Variants in GPD1L observed in about 807,000 individuals in gnomAD.
The protein encoded by GPD1L is glycerol-3-phosphate dehydrogenase 1 like, also known as glycerol-3-phosphate dehydrogenase 1-like protein.
In GPD1L, 17 loss-of-function variants were observed where a neutral mutation model predicts 32.9. The ratio of observed to expected loss-of-function variants is 0.52; its 90% CI spans 0.35 to 0.78. The LOEUF (loss-of-function observed/expected upper bound fraction) is 0.78. Ranked by LOEUF, GPD1L falls within the 30% of genes least tolerant of loss-of-function variation. The probability of loss-of-function intolerance (pLI) is 0.01; values close to 1 mark genes in which losing one functional copy is unlikely to be tolerated. For synonymous variants in GPD1L, 187 were observed against 165.9 expected, an observed-to-expected ratio of 1.13 and a Z score of -0.98; for missense variants, 361 against 447.8, an observed-to-expected ratio of 0.81 and a Z score of 1.75.
At chr3:32,128,340 T>C in intron 2 of GPD1L, 87 bp downstream of exon 2, 2 of 1,084,632 alleles carry the variant, frequency 1.8e-6, no homozygotes, top group Middle Eastern at 4.0e-4. Flanking sequence ...CTGGGAAAGC[T>C]GCTTCCCTTT....
chr3:32,141,276 A>G (rs1381792278), intron 4 of GPD1L, among the ~76,000 whole-genome samples: 1 of 152,096 alleles, frequency 6.6e-6, no homozygotes, highest in African/African-American at 2.4e-5. Flanking sequence ...GGAATTTTCT[A>G]CCTTAATTTT....
chr3:32,151,384 G>A (rs952204272), intron 5 of GPD1L: 11 of 683,990 alleles, frequency 1.6e-5, no homozygotes, highest in Non-Finnish European at 2.9e-5. Flanking sequence ...TTTAGCCATG[G>A]TGACACTTGT....
intron 7 of GPD1L, among the ~76,000 whole-genome samples, chr3:32,162,021 C>T (rs551721015): frequency 3.9e-5 from 6 of 152,304 alleles, no homozygotes; most frequent in African/African-American, 1.4e-4. Context: ...TTCCTTCTCC[C>T]TCCCTTCTCT....
chr3:32,140,390 C>T (rs993940844), intron 4 of GPD1L, 24 bp downstream of exon 4: 3 of 1,613,266 alleles, frequency 1.9e-6, no homozygotes. Context: ...GGGAGGGACC[C>T]CAGGAGTCTG....
chr3:32,159,256 T>G, intron 6 of GPD1L, 147 bp downstream of exon 6: 1 of 674,026 alleles, frequency 1.5e-6, no homozygotes, highest in Non-Finnish European at 2.6e-6. Flanking sequence ...ACTTGACTCT[T>G]CTGTTCTTTA....
chr3:32,127,720 C>T (rs1700531369), intron 1 of GPD1L, among the ~76,000 whole-genome samples: 1 of 152,162 alleles, frequency 6.6e-6, no homozygotes, highest in African/African-American at 2.4e-5. Flanking sequence ...GTTTATCTTA[C>T]CACAGGTACA....
At position 32,134,056 on chromosome 3, in the gene GPD1L, A is replaced by G. The variant is rs78192700; in HGVS notation, c.226-4531A>G. 0.023 allele frequency among the ~76,000 whole-genome samples: 3,573 copies of G among 152,282 alleles called. 284 individuals carry two copies. In the East Asian group the frequency reaches 0.25, roughly 11 times the overall value. ...CCTGTTGTTCTGAGTTTTGCTTCCC[A>G]GCATATTTCAGAATCTGGAACGATG... On this transcript the variant is annotated intron_variant, in intron 2 of 7. Transcript: ENST00000282541.
In GPD1L at chr3:32,106,683, C is replaced by G. The variant is rs760414173; in HGVS notation, c.-29C>G. ...AGGTGGGCAGCCGGCCAGGGAAGCA[C>G]GGTCCAGGCGGCTACATTCGGCCCG... On this transcript the variant is annotated 5_prime_UTR_variant, in exon 1 of 8. Coordinates refer to ENST00000282541, the MANE Select transcript of GPD1L (RefSeq NM_015141.4). This position sits in a 1 kb window ranked among gnomAD's most constrained non-coding sequence, Gnocchi z 4.0. 6.6e-6 allele frequency: 10 copies of G among 1,517,656 alleles called. No homozygotes were observed. The South Asian group carries it at 1.3e-4, about 19-fold the overall frequency. 94.0% of individuals were successfully genotyped at this position (1,517,656 alleles called of 1,614,324 possible).
At chr3:32,144,822 A>AACAC (rs60130762) in intron 4 of GPD1L, among the ~76,000 whole-genome samples, 2,842 of 142,104 alleles carry the variant, frequency 0.02, 107 homozygotes, top group Admixed American at 0.1. Context: ...AGTAGCTGGG[A>AACAC]ACACACACAC....
At chr3:32,116,253 A>T (rs1700331435) in intron 1 of GPD1L, among the ~76,000 whole-genome samples, 1 of 152,242 alleles carries the variant, frequency 6.6e-6, no homozygotes, top group East Asian at 1.9e-4. Context: ...GTTAGAAATG[A>T]TTATGGATAA....
chr3:32,134,640 C>A (rs1215304728), intron 2 of GPD1L, among the ~76,000 whole-genome samples: 2 of 152,178 alleles, frequency 1.3e-5, no homozygotes, highest in East Asian at 3.9e-4. Flanking sequence ...GCACTCGCCA[C>A]CACACCTGGT....
chr3:32,168,700 A>G lies in GPD1L; in HGVS notation c.*2790A>G, dbSNP rs1209304159. The G allele has an allele frequency of 3.9e-5, 6 of 152,442 alleles. No homozygotes were observed. Among genetic ancestry groups the G allele is most frequent in the South Asian group, 2.1e-4 (1 of 4,814 alleles). 9.4% of individuals were successfully genotyped at this position (152,442 alleles called of 1,614,324 possible). A position where few individuals can be genotyped will look rare whatever the true frequency, so the allele number is the denominator to read the frequency against. ...AAAAGCTTGATTTAATAAACATTTAACCCCCTAAACTTGCACCGTGGATCC... is the reference window on the plus strand; with the variant it reads ...AAAAGCTTGATTTAATAAACATTTAGCCCCCTAAACTTGCACCGTGGATCC... On this transcript the variant is annotated 3_prime_UTR_variant, in exon 8 of 8. Coordinates refer to ENST00000282541, the MANE Select transcript of GPD1L (RefSeq NM_015141.4).
intron 5 of GPD1L, among the ~76,000 whole-genome samples, chr3:32,148,063 T>A (rs1403150769): frequency 6.6e-6 from 1 of 152,180 alleles, no homozygotes; most frequent in African/African-American, 2.4e-5. Flanking sequence ...TTTGTTTATT[T>A]TTGTTGGTTG....
intron 1 of GPD1L, among the ~76,000 whole-genome samples, chr3:32,121,302 C>T (rs1326661828): frequency 6.6e-6 from 1 of 151,678 alleles, no homozygotes; most frequent in East Asian, 1.9e-4. Context: ...TAGATAAAAT[C>T]TGTGCCTATT....
chr3:32,157,391 A>T (rs1701008690), intron 5 of GPD1L, among the ~76,000 whole-genome samples: 1 of 151,906 alleles, frequency 6.6e-6, no homozygotes, highest in Non-Finnish European at 1.5e-5. Context: ...CTCTTTTCTC[A>T]GCCAGATTGT....
intron 2 of GPD1L, among the ~76,000 whole-genome samples, chr3:32,133,717 G>A (rs1559574917): frequency 6.6e-6 from 1 of 152,152 alleles, no homozygotes; most frequent in Non-Finnish European, 1.5e-5. Flanking sequence ...AGGGTGAGGA[G>A]ATCAGTCTGT....
At chr3:32,118,508 T>A (rs1212531105) in intron 1 of GPD1L, among the ~76,000 whole-genome samples, 1 of 152,128 alleles carries the variant, frequency 6.6e-6, no homozygotes, top group East Asian at 1.9e-4. Context: ...TTTAATAGGA[T>A]CTGACCATAG....
rs13321685 is a variant in GPD1L at position 32,165,937 on chromosome 3, A to G, written c.*27A>G. ...GTGAATCATGCAACGTGTTGGGGGAAGTTCTGCCTTTCTGATCAATCTTTT... is the reference window on the plus strand; with the variant it reads ...GTGAATCATGCAACGTGTTGGGGGAGGTTCTGCCTTTCTGATCAATCTTTT... On this transcript the variant is annotated 3_prime_UTR_variant, in exon 8 of 8. Transcript: ENST00000282541. The G allele has an allele frequency of 1.1e-4, 140 of 1,258,848 alleles. 1 individual carries two copies. In the African/African-American group the frequency reaches 1.8e-3, roughly 17 times the overall value. The allele number at this position is 1,258,848 out of a possible 1,614,324, so 78.0% of individuals were successfully genotyped here.
At chr3:32,114,853 A>G (rs1221855319) in intron 1 of GPD1L, among the ~76,000 whole-genome samples, 2 of 152,054 alleles carry the variant, frequency 1.3e-5, no homozygotes, top group Non-Finnish European at 2.9e-5. Flanking sequence ...TGAGTGTTAC[A>G]GCTCTTAAAG....
Sources: allele counts gnomAD v4.1 joint callset (sites outside exome capture counted in the v4.1 genomes callset), GRCh38; gene constraint gnomAD v4.1.1; non-coding constraint Gnocchi (gnomAD v3.1); transcripts MANE v1.5; gene names NCBI Gene and HGNC (gene_info 2026-07-23, HGNC 2026-07-21).